DPP4: variants seen among roughly 807,000 people sequenced by gnomAD.
DPP4 encodes the protein dipeptidyl peptidase 4.
Under a neutral mutation model 122.4 loss-of-function variants are expected in DPP4, and 93 were observed. The observed-to-expected ratio is 0.76, with a 90% CI of 0.64 to 0.90. DPP4 has a LOEUF of 0.90. DPP4 is among the 40% of genes least tolerant of loss of function. The probability of loss-of-function intolerance (pLI) is 0.00; values close to 1 mark genes in which losing one functional copy is unlikely to be tolerated. For synonymous variants in DPP4, 321 were observed against 302.9 expected (o/e 1.06, Z -0.62); for missense variants, 914 against 907.3 (o/e 1.01, Z -0.09).
In DPP4 at chr2:162,035,193, G is replaced by A; in HGVS notation, c.745C>T (p.Pro249Ser). The change falls in exon 9 of 26, where the codon CCA (proline) becomes TCA (serine). Residue 249 changes from proline (P) to serine (S), a missense_variant. Coordinates refer to ENST00000360534, the MANE Select transcript of DPP4 (RefSeq NM_001935.4). ...GGATATGGAACCCGTACAGTCTTTG[G>A]GTACTGCAGTGACTCATCAGAGTAG... ...SFYSDESLQY[P>S]KTVRVPYPKA... 1.9e-6 allele frequency: 3 copies of A among 1,613,852 alleles called. No homozygotes were observed. The highest frequency in any genetic ancestry group is 2.5e-6 in the Non-Finnish European group (3 of 1,179,918).
intron 20 of DPP4, among the ~76,000 whole-genome samples, chr2:162,010,660 T>C (rs1037307068): frequency 1.3e-5 from 2 of 152,194 alleles, no homozygotes; most frequent in Admixed American, 6.5e-5. Context: ...TCTGGATAGA[T>C]ACAAGTTTAT....
At position 162,017,172 on chromosome 2, in the gene DPP4, G is replaced by T; in HGVS notation, c.1421-17C>A. 2 of 1,607,704 alleles carry T rather than the reference G, an allele frequency of 1.2e-6. No homozygotes were observed. The highest frequency in any genetic ancestry group is 1.7e-6 in the Non-Finnish European group (2 of 1,177,768). On this transcript the variant is annotated splice_polypyrimidine_tract_variant and intron_variant, in intron 16 of 25. Transcript: ENST00000360534. ...GACCAGGACCTGTTAACACAATGGG[G>T]GAAAAATGTTTTGGATGAATACTTT...
Position 161,993,329 on chromosome 2 carries a change from T to C in DPP4, c.2255A>G (p.Tyr752Cys). The change falls in exon 26 of 26, where the codon TAT becomes TGT. Residue 752 changes from tyrosine to cysteine, a missense_variant. By Grantham distance (194) the Tyr-to-Cys change is radical. Coordinates refer to ENST00000360534, the MANE Select transcript of DPP4 (RefSeq NM_001935.4). ...IASSTAHQHI[Y>C]THMSHFIKQC... ...TTTTATGAAGTGGCTCATGTGGGTA[T>C]ATATATGTTGGTGTGCTGTGCTGCT... 1.2e-6 allele frequency: 2 copies of C among 1,613,678 alleles called. No homozygotes were observed. The highest frequency in any genetic ancestry group is 8.5e-7 in the Non-Finnish European group (1 of 1,179,712).
At chr2:162,066,633 T>C (rs181650120) in intron 2 of DPP4, among the ~76,000 whole-genome samples, 1 of 152,332 alleles carries the variant, frequency 6.6e-6, no homozygotes, top group East Asian at 1.9e-4. Flanking sequence ...TCATTTTGTA[T>C]TGCTATAAAG....
rs1014937492 is a variant in DPP4 at position 162,062,509 on chromosome 2, C to T, written c.94+10890G>A. Among the ~76,000 whole-genome samples, 11 of 152,226 alleles carry T rather than the reference C, an allele frequency of 7.2e-5. No individual in the cohort carries two copies. The East Asian group carries it at 2.1e-3, about 29-fold the overall frequency. The stretch of plus-strand genomic sequence containing the variant: ...GCTGGAATGAGTTGTCAGCTGGAGG[C>T]TCTGGGGAAAAATTACCTGCTCCCA... On this transcript the variant is annotated intron_variant, in intron 2 of 25. Transcript: ENST00000360534.
chr2:162,018,756 C>A lies in DPP4; in HGVS notation c.1393G>T (p.Ala465Ser). The A allele has an allele frequency of 6.2e-7, 1 of 1,614,096 alleles. No individual in the cohort carries two copies. The highest frequency in any genetic ancestry group is 8.5e-7 in the Non-Finnish European group (1 of 1,180,024). The part of the protein sequence containing the change: ...QYYSVSFSKE[A>S]KYYQLRCSGP... The stretch of plus-strand genomic sequence containing the variant: ...GAACATCTCAGCTGATAATACTTCG[C>A]CTCTTTACTGAATGACACAGAATAG... The change falls in exon 16 of 26, where the codon GCG becomes TCG. Residue 465 changes from alanine to serine, a missense_variant. By Grantham distance (99) the Ala-to-Ser change is moderately conservative. Transcript: ENST00000360534.
At chr2:162,008,786 A>T in intron 21 of DPP4, 125 bp from the exon 22 acceptor site, 1 of 805,786 alleles carries the variant, frequency 1.2e-6, no homozygotes, top group Non-Finnish European at 2.0e-6. Context: ...AAAGCATGGT[A>T]TAGGAGGCTT....
At chr2:162,039,752 A>T (rs1246934166) in intron 5 of DPP4, among the ~76,000 whole-genome samples, 6 of 152,104 alleles carry the variant, frequency 3.9e-5, no homozygotes, top group African/African-American at 1.2e-4. Flanking sequence ...AAGCATAGGG[A>T]AATAAAATTT....
intron 1 of DPP4, 28 bp from the exon 2 acceptor site, chr2:162,073,514 T>C: frequency 6.2e-7 from 1 of 1,608,008 alleles, no homozygotes; most frequent in Non-Finnish European, 8.5e-7. Context: ...CAAGTCCAAT[T>C]AGAGGGAAGC....
chr2:162,020,664 T>C lies in DPP4; in HGVS notation c.1093A>G (p.Thr365Ala). ...GRFRPSEPHFTLDGNSFYKII... is the reference protein window; with the variant it reads ...GRFRPSEPHFALDGNSFYKII... ...TTGTAGAAGCTATTACCATCAAGGGTAAAATGAGGTTCTGAAGGCCTAAAC... is the reference window on the plus strand; with the variant it reads ...TTGTAGAAGCTATTACCATCAAGGGCAAAATGAGGTTCTGAAGGCCTAAAC... The change falls in exon 13 of 26, where the codon ACC becomes GCC. Residue 365 changes from threonine to alanine, a missense_variant. By Grantham distance (58) the Thr-to-Ala change is moderately conservative. Coordinates refer to ENST00000360534, the MANE Select transcript of DPP4 (RefSeq NM_001935.4). The C allele has an allele frequency of 6.2e-7, 1 of 1,612,050 alleles. No homozygotes were observed. The highest frequency in any genetic ancestry group is 8.5e-7 in the Non-Finnish European group (1 of 1,179,438).
At chr2:162,022,912 T>C (rs1436416196) in intron 11 of DPP4, 113 bp from the exon 12 acceptor site, 5 of 1,005,362 alleles carry the variant, frequency 5.0e-6, no homozygotes, top group Non-Finnish European at 7.8e-6. Context: ...GAGAGCTATC[T>C]CCATTCATAT....
chr2:162,038,514 G>C (rs916637657), intron 7 of DPP4, 92 bp from the exon 8 acceptor site: 66 of 1,317,124 alleles, frequency 5.0e-5, no homozygotes, highest in Non-Finnish European at 5.9e-5. Context: ...GCAAATGTAA[G>C]GATTACCATA....
chr2:162,013,797 G>C (rs1682800685), intron 19 of DPP4, among the ~76,000 whole-genome samples: 1 of 152,098 alleles, frequency 6.6e-6, no homozygotes, highest in African/African-American at 2.4e-5. Flanking sequence ...AATTAAAGTA[G>C]GGTGTATTCC....
intron 20 of DPP4, among the ~76,000 whole-genome samples, chr2:162,009,971 G>T (rs954002015): frequency 7.8e-5 from 7 of 89,480 alleles, no homozygotes; most frequent in African/African-American, 2.3e-4. Flanking sequence ...GACATCAAAA[G>T]AAATTTTTTT....
chr2:161,999,955 G>A (rs1701102982), intron 23 of DPP4, among the ~76,000 whole-genome samples: 1 of 152,130 alleles, frequency 6.6e-6, no homozygotes, highest in Admixed American at 6.6e-5. Context: ...GTAAGGTTAA[G>A]TAGCCTCCTC....
At chr2:161,999,112 C>G (rs1293041804) in intron 23 of DPP4, among the ~76,000 whole-genome samples, 2 of 152,000 alleles carry the variant, frequency 1.3e-5, no homozygotes, top group Non-Finnish European at 2.9e-5. Flanking sequence ...ATTTTTTTCC[C>G]CAGAAAAAGG....
intron 2 of DPP4, among the ~76,000 whole-genome samples, chr2:162,065,016 TTCTG>T (rs1198667515): frequency 6.6e-6 from 1 of 152,268 alleles, no homozygotes; most frequent in Non-Finnish European, 1.5e-5. Flanking sequence ...TCTCCCCGAT[TTCTG>T]TCTTTCAGAA....
intron 4 of DPP4, 113 bp from the exon 5 acceptor site, chr2:162,045,725 T>A (rs997026623): frequency 2.8e-6 from 2 of 724,110 alleles, no homozygotes; most frequent in African/African-American, 3.6e-5. Context: ...CTTTGGGAAG[T>A]CCTAATCTAG....
In DPP4 at chr2:161,995,282, T is replaced by A. The variant is rs1222719769; in HGVS notation, c.2125+18A>T. ...AACCTGTCTGTGATACTAAAAAGTC[T>A]AATTAACTGAAACTCACCATCTGCT... is the stretch of plus-strand genomic sequence containing the variant. On this transcript the variant is annotated intron_variant, in intron 24 of 25. Coordinates refer to ENST00000360534, the MANE Select transcript of DPP4 (RefSeq NM_001935.4). The A allele has an allele frequency of 6.2e-7, 1 of 1,610,748 alleles. No individual in the cohort carries two copies. Among genetic ancestry groups the A allele is most frequent in the Non-Finnish European group, 8.5e-7 (1 of 1,177,014 alleles).
Sources: allele counts gnomAD v4.1 joint callset (sites outside exome capture counted in the v4.1 genomes callset), GRCh38; gene constraint gnomAD v4.1.1; transcripts MANE v1.5; gene names NCBI Gene and HGNC (gene_info 2026-07-23, HGNC 2026-07-21).